Variants in ZBTB7C observed in about 807,000 individuals in gnomAD.
The protein encoded by ZBTB7C is zinc finger and BTB domain-containing protein 7C.
ZBTB7C carries 8 observed loss-of-function variants against 25.7 expected under a neutral mutation model. That is an observed-to-expected ratio of 0.31 (90% CI 0.18 to 0.56). The LOEUF is 0.56. Ranked by LOEUF, ZBTB7C falls within the 20% of genes least tolerant of loss-of-function variation. The pLI is 0.91. For missense variants in ZBTB7C, 824 were observed against 855.2 expected, an observed-to-expected ratio of 0.96 and a Z score of 0.46; for synonymous variants, 394 against 369.0, an observed-to-expected ratio of 1.07 and a Z score of -0.78.
At chr18:48,200,414 C>T (rs931301120) in intron 2 of ZBTB7C, among the ~76,000 whole-genome samples, 1 of 152,070 alleles carries the variant, frequency 6.6e-6, no homozygotes, top group Non-Finnish European at 1.5e-5. Context: ...AATCTAACCC[C>T]TACCTGGAGA....
chr18:48,336,357 C>T (rs1246970828), intron 2 of ZBTB7C, among the ~76,000 whole-genome samples: 1 of 152,218 alleles, frequency 6.6e-6, no homozygotes, highest in Non-Finnish European at 1.5e-5. Flanking sequence ...AGCAGAATCA[C>T]GGAAACAAGC....
intron 2 of ZBTB7C, among the ~76,000 whole-genome samples, chr18:48,231,992 C>A (rs1328987151): frequency 6.6e-6 from 1 of 152,206 alleles, no homozygotes; most frequent in East Asian, 1.9e-4. Flanking sequence ...AGTGGCCAGA[C>A]CCCATGCTCA....
At chr18:48,344,525 A>G (rs1436580179) in intron 1 of ZBTB7C, among the ~76,000 whole-genome samples, 1 of 152,192 alleles carries the variant, frequency 6.6e-6, no homozygotes, top group Non-Finnish European at 1.5e-5. Flanking sequence ...GGGGAAAAAA[A>G]GGGAGACAGG....
chr18:48,325,705 T>C (rs1181898335), intron 2 of ZBTB7C, among the ~76,000 whole-genome samples: 1 of 152,210 alleles, frequency 6.6e-6, no homozygotes, highest in Non-Finnish European at 1.5e-5. Context: ...TTCAACAGTG[T>C]GCATAACATC....
At chr18:48,183,782 G>A (rs555180104) in intron 3 of ZBTB7C, among the ~76,000 whole-genome samples, 1 of 152,246 alleles carries the variant, frequency 6.6e-6, no homozygotes, top group African/African-American at 2.4e-5. Context: ...CAACACTCTG[G>A]GGGCAGCTGC....
At chr18:48,388,081 C>T (rs1047260525) in intron 1 of ZBTB7C, among the ~76,000 whole-genome samples, 4 of 152,178 alleles carry the variant, frequency 2.6e-5, no homozygotes, top group Non-Finnish European at 5.9e-5. Context: ...CCCTCCTCGG[C>T]CTCCCAAAGC....
At chr18:48,323,644 T>G (rs896357901) in intron 2 of ZBTB7C, among the ~76,000 whole-genome samples, 1 of 152,130 alleles carries the variant, frequency 6.6e-6, no homozygotes. Context: ...CCTGTATTCT[T>G]TGTATTTCCC....
chr18:48,212,704 AC>A (rs1160447106), intron 2 of ZBTB7C, among the ~76,000 whole-genome samples: 16 of 152,206 alleles, frequency 1.1e-4, no homozygotes, highest in African/African-American at 3.9e-4. Context: ...AAGAGAGGGG[AC>A]AAGTTAGTTT....
At position 48,028,914 on chromosome 18, in the gene ZBTB7C, G is replaced by T; in HGVS notation, c.*346C>A. 3.6e-6 allele frequency: 1 copy of T among 278,588 alleles called. No individual in the cohort carries two copies. Among genetic ancestry groups the T allele is most frequent in the Non-Finnish European group, 6.6e-6 (1 of 151,446 alleles). The allele number at this position is 278,588 out of a possible 1,614,324, so 17.3% of individuals were successfully genotyped here. A position where few individuals can be genotyped will look rare whatever the true frequency, so the allele number is the denominator to read the frequency against. On this transcript the variant is annotated 3_prime_UTR_variant, in exon 5 of 5. Coordinates refer to ENST00000590800, the MANE Select transcript of ZBTB7C (RefSeq NM_001318841.2). The stretch of plus-strand genomic sequence containing the variant: ...CCTGCTGTGGCTGGCTGGGCACCAG[G>T]CCAACCACCCCCTGACCCCTCATGA...
chr18:48,074,031 T>C (rs75420275), intron 3 of ZBTB7C, among the ~76,000 whole-genome samples: 1 of 147,168 alleles, frequency 6.8e-6, no homozygotes, highest in South Asian at 2.1e-4. Context: ...TTTTTTTTTT[T>C]CAGACGGAGT....
At chr18:48,351,789 A>G (rs72915517) in intron 1 of ZBTB7C, among the ~76,000 whole-genome samples, 16,925 of 152,278 alleles carry the variant, frequency 0.11, 1,081 homozygotes, top group Non-Finnish European at 0.14. Flanking sequence ...GAACCCAAAG[A>G]GTGCTCGTTC....
At chr18:48,348,726 A>G (rs1284484436) in intron 1 of ZBTB7C, among the ~76,000 whole-genome samples, 1 of 152,252 alleles carries the variant, frequency 6.6e-6, no homozygotes, top group African/African-American at 2.4e-5. Context: ...CTGAGGCAGG[A>G]GAATAGCTTC....
intron 3 of ZBTB7C, among the ~76,000 whole-genome samples, chr18:48,092,876 G>T (rs1419894022): frequency 6.6e-6 from 1 of 152,218 alleles, no homozygotes; most frequent in East Asian, 1.9e-4. Context: ...TTTATCGGTA[G>T]ATAAAGGCTG....
chr18:48,307,785 T>A (rs1456258664), intron 2 of ZBTB7C, among the ~76,000 whole-genome samples: 1 of 152,114 alleles, frequency 6.6e-6, no homozygotes, highest in African/African-American at 2.4e-5. Context: ...GAGGCGGAGA[T>A]TGCAGTGAGC....
rs114761171 is a variant in ZBTB7C at position 48,325,593 on chromosome 18, A to C, written c.-79+12581T>G. Among the ~76,000 whole-genome samples, 1,448 of 152,322 alleles carry C rather than the reference A, an allele frequency of 9.5e-3. 18 individuals carry two copies. Among genetic ancestry groups the C allele is most frequent in the African/African-American group, 0.033 (1,387 of 41,558 alleles). ...AGCTTCATCAAAGCTTTGATTTCAC[A>C]TTGAAGAAAGTGCTCCAGCTACCCA... is the stretch of plus-strand genomic sequence containing the variant. On this transcript the variant is annotated intron_variant, in intron 2 of 4. Transcript: ENST00000590800.
intron 4 of ZBTB7C, among the ~76,000 whole-genome samples, chr18:48,037,321 A>G (rs2036016474): frequency 6.6e-6 from 1 of 152,242 alleles, no homozygotes; most frequent in Non-Finnish European, 1.5e-5. Context: ...GAGCTGCCCC[A>G]CTGCCTATCA....
intron 2 of ZBTB7C, among the ~76,000 whole-genome samples, chr18:48,196,300 C>T (rs1402205057): frequency 1.3e-5 from 2 of 152,194 alleles, no homozygotes; most frequent in Non-Finnish European, 2.9e-5. Flanking sequence ...TGCCTTTCCC[C>T]TCCGTGCATC....
At chr18:48,203,339 C>T (rs1317373) in intron 2 of ZBTB7C, 18,773 of 152,426 alleles carry the variant, frequency 0.12, 1,546 homozygotes, top group Non-Finnish European at 0.19. Flanking sequence ...CACCACTGGA[C>T]TCATGTGGCC....
At chr18:48,196,134 T>C (rs553494860) in intron 2 of ZBTB7C, among the ~76,000 whole-genome samples, 1 of 152,286 alleles carries the variant, frequency 6.6e-6, no homozygotes, top group Admixed American at 6.5e-5. Flanking sequence ...AATTGCAGTT[T>C]AGAGGGCATC....
Sources: gnomAD v4.1 joint callset for allele counts (sites outside exome capture counted in the v4.1 genomes callset) on GRCh38, gnomAD v4.1.1 for gene constraint, MANE v1.5 for transcripts, NCBI Gene and HGNC (gene_info 2026-07-23, HGNC 2026-07-21) for gene names.